PLEKHA5: variants seen among roughly 807,000 people sequenced by gnomAD.
The protein encoded by PLEKHA5 is pleckstrin homology domain containing A5.
A neutral mutation model predicts 181.9 loss-of-function variants in PLEKHA5; 55 were observed. The ratio of observed to expected loss-of-function variants is 0.30; its 90% CI spans 0.24 to 0.38. The LOEUF (loss-of-function observed/expected upper bound fraction) is 0.38, where lower values mean the gene tolerates loss of function less well. Ranked by LOEUF, PLEKHA5 falls within the 10% of genes least tolerant of loss-of-function variation. The pLI, the probability that PLEKHA5 is intolerant of heterozygous loss-of-function variation, is 1.00. For missense variants in PLEKHA5, 1,432 were observed against 1,549.5 expected (o/e 0.92, Z 1.27); for synonymous variants, 535 against 529.4 (o/e 1.01, Z -0.15).
intron 3 of PLEKHA5, among the ~76,000 whole-genome samples, chr12:19,221,347 A>G (rs1475252699): frequency 6.6e-6 from 1 of 152,198 alleles, no homozygotes; most frequent in Non-Finnish European, 1.5e-5. Context: ...CAAAAATGAC[A>G]TAAATGGGTC....
chr12:19,349,503 C>A (rs1356755130), intron 25 of PLEKHA5, among the ~76,000 whole-genome samples: 1 of 151,986 alleles, frequency 6.6e-6, no homozygotes, highest in Non-Finnish European at 1.5e-5. Context: ...AAAGTAAATT[C>A]TAAAATAATA....
rs766668980 is a variant in PLEKHA5, at chr12:19,354,044, CTATT to C, written c.3138+47_3138+50del. 12 of 826,834 alleles carry C rather than the reference CTATT, an allele frequency of 1.5e-5. No homozygotes were observed. The East Asian group carries it at 1.5e-4, about 10-fold the overall frequency. The allele number at this position is 826,834 out of a possible 1,614,324, so 51.2% of individuals were successfully genotyped here. Reference sequence around the variant, plus strand: ...TAATCTTCTAGGAAGATTCTCACATCTATTTATTGCTTTCTTACATGTTTTCATT... The same window carrying C: ...TAATCTTCTAGGAAGATTCTCACATCTATTGCTTTCTTACATGTTTTCATT... On this transcript the variant is annotated intron_variant, in intron 26 of 31. Transcript: ENST00000429027.
chr12:19,177,056 CAGGG>C (rs2047465468), intron 3 of PLEKHA5, among the ~76,000 whole-genome samples: 1 of 151,956 alleles, frequency 6.6e-6, no homozygotes, highest in South Asian at 2.1e-4. Flanking sequence ...TTAGTGGAGA[CAGGG>C]TTTCACCATG....
chr12:19,350,640 G>C (rs963099033), intron 25 of PLEKHA5, among the ~76,000 whole-genome samples: 1 of 151,982 alleles, frequency 6.6e-6, no homozygotes, highest in Admixed American at 6.6e-5. Context: ...GTGGTGGCGG[G>C]CACCTGTAAT....
intron 3 of PLEKHA5, among the ~76,000 whole-genome samples, chr12:19,221,745 T>G (rs898522504): frequency 1.3e-5 from 2 of 152,128 alleles, no homozygotes; most frequent in African/African-American, 2.4e-5. Flanking sequence ...GCTCACCTAA[T>G]TAACTTTGGA....
At chr12:19,197,418 C>T (rs1380357320) in intron 3 of PLEKHA5, among the ~76,000 whole-genome samples, 1 of 152,058 alleles carries the variant, frequency 6.6e-6, no homozygotes, top group African/African-American at 2.4e-5. Flanking sequence ...TCCCTTTTTG[C>T]TCACGTCTCA....
At chr12:19,138,897 C>T (rs2036480607) in intron 3 of PLEKHA5, among the ~76,000 whole-genome samples, 1 of 152,106 alleles carries the variant, frequency 6.6e-6, no homozygotes, top group Non-Finnish European at 1.5e-5. Flanking sequence ...CTTTGAATGT[C>T]AGGCTGAGGT....
chr12:19,251,547 C>T (rs2065292619), intron 3 of PLEKHA5, among the ~76,000 whole-genome samples: 1 of 151,950 alleles, frequency 6.6e-6, no homozygotes, highest in South Asian at 2.1e-4. Flanking sequence ...TGTATTCCTA[C>T]ATGGCTGGGT....
chr12:19,269,720 T>C (rs1479629662), intron 8 of PLEKHA5, 50 bp from the exon 9 acceptor site: 4 of 980,972 alleles, frequency 4.1e-6, no homozygotes, highest in Middle Eastern at 2.2e-4. Flanking sequence ...TCTTTTTCTT[T>C]TACAGAATCC....
In PLEKHA5 at chr12:19,343,399, G is replaced by T. The variant is rs1458847314; in HGVS notation, c.2627G>T (p.Ser876Ile). 6.2e-7 allele frequency: 1 copy of T among 1,612,232 alleles called. No homozygotes were observed. Residue 876 changes from serine (S) to isoleucine (I), a missense_variant, in exon 22 of 32, where the codon AGT becomes ATT. Physicochemically the swap from Ser to Ile is moderately radical, Grantham distance 142. This residue lies in a region of PLEKHA5 where 1,143 missense variants were observed against 1,168.4 expected (regional missense o/e 0.98). Coordinates refer to ENST00000429027, the MANE Select transcript of PLEKHA5 (RefSeq NM_001256470.2). The stretch of plus-strand genomic sequence containing the variant: ...ATTCAGGATGTCATGGAAGGGCTGA[G>T]TAAACATAAGCAGCAAAGAGGTACT... ...WRIQDVMEGLSKHKQQRGTTE... is the reference protein window; with the variant it reads ...WRIQDVMEGLIKHKQQRGTTE...
rs56763101 is a variant in PLEKHA5 at position 19,334,829 on chromosome 12, AATATATATATATATATATAT to A, written c.2449-1665_2449-1646del. ...AAATCCTGTCTTCACAAAAAAAAAAAATATATATATATATATATATATATATATATATATATATATCTCTG... is the reference window on the plus strand; with the variant it reads ...AAATCCTGTCTTCACAAAAAAAAAAAATATATATATATATATATATCTCTG... On this transcript the variant is annotated intron_variant, in intron 20 of 31. Coordinates refer to ENST00000429027, the MANE Select transcript of PLEKHA5 (RefSeq NM_001256470.2). Among the ~76,000 whole-genome samples, 6 of 18,602 alleles carry A rather than the reference AATATATATATATATATATAT, an allele frequency of 3.2e-4. 1 individual carries two copies. The highest frequency in any genetic ancestry group is 7.3e-4 in the African/African-American group (6 of 8,208). The allele number at this position is 18,602 out of a possible 152,430, so 12.2% of individuals were successfully genotyped here. A position where few individuals can be genotyped will look rare whatever the true frequency, so the allele number is the denominator to read the frequency against.
chr12:19,295,000 G>C (rs1049271791), intron 15 of PLEKHA5, among the ~76,000 whole-genome samples: 1 of 152,126 alleles, frequency 6.6e-6, no homozygotes, highest in Non-Finnish European at 1.5e-5. Context: ...ATTACAGTTT[G>C]TTTATGCTTC....
intron 4 of PLEKHA5, among the ~76,000 whole-genome samples, 168 bp downstream of exon 4, chr12:19,254,191 A>AT (rs2066199235): frequency 6.6e-6 from 1 of 152,114 alleles, no homozygotes; most frequent in African/African-American, 2.4e-5. Context: ...TGAGTTAAAC[A>AT]TTTTTTTCAT....
At chr12:19,364,464 TCCCGCCACTGTACTC>T in intron 29 of PLEKHA5, among the ~76,000 whole-genome samples, 1 of 151,702 alleles carries the variant, frequency 6.6e-6, no homozygotes, top group African/African-American at 2.4e-5. Flanking sequence ...TGAGCCGAGA[TCCCGCCACTGTACTC>T]CAGCCTGGGC....
chr12:19,313,017 G>A (rs1214529631), intron 15 of PLEKHA5, among the ~76,000 whole-genome samples: 1 of 152,102 alleles, frequency 6.6e-6, no homozygotes, highest in African/African-American at 2.4e-5. Flanking sequence ...GGAATAGGCA[G>A]GCCCAAGGAA....
chr12:19,347,222 T>G (rs1592582914), intron 24 of PLEKHA5, 40 bp downstream of exon 24: 2 of 1,128,514 alleles, frequency 1.8e-6, no homozygotes, highest in East Asian at 5.3e-5. Flanking sequence ...CAATCCTACA[T>G]GTCCTCTCAT....
intron 20 of PLEKHA5, among the ~76,000 whole-genome samples, chr12:19,329,736 C>A (rs776998268): frequency 6.6e-6 from 1 of 151,922 alleles, no homozygotes; most frequent in African/African-American, 2.4e-5. Context: ...CTTTATTATT[C>A]TAGCTAACAG....
intron 29 of PLEKHA5, among the ~76,000 whole-genome samples, chr12:19,362,141 C>T (rs929861277): frequency 7.5e-6 from 1 of 133,350 alleles, no homozygotes; most frequent in African/African-American, 2.8e-5. Flanking sequence ...ATACTCCAGC[C>T]TGGGCAACAG....
intron 3 of PLEKHA5, among the ~76,000 whole-genome samples, chr12:19,173,806 C>T (rs1404831695): frequency 6.6e-6 from 1 of 152,060 alleles, no homozygotes; most frequent in Non-Finnish European, 1.5e-5. Context: ...AGGTCTCATG[C>T]GGATGATAGT....
Sources: allele counts gnomAD v4.1 joint callset (sites outside exome capture counted in the v4.1 genomes callset), GRCh38; gene constraint gnomAD v4.1.1; regional missense constraint gnomAD v4.1.1; transcripts MANE v1.5; gene names NCBI Gene and HGNC (gene_info 2026-07-23, HGNC 2026-07-21).